Variants in CELSR1 observed in about 807,000 individuals in gnomAD.
The protein encoded by CELSR1 is adhesion G protein-coupled receptor C1.
CELSR1 carries 110 observed loss-of-function variants against 249.1 expected under a neutral mutation model. The observed-to-expected ratio is 0.44, with a 90% CI of 0.38 to 0.52. The LOEUF is 0.52. CELSR1 is among the 20% of genes least tolerant of loss of function. The pLI, the probability that CELSR1 is intolerant of heterozygous loss-of-function variation, is 0.00. For synonymous variants in CELSR1, 2,113 were observed against 1,900.0 expected (o/e 1.11, Z -2.92); for missense variants, 4,109 against 4,296.4 (o/e 0.96, Z 1.22).
chr22:46,443,047 G>A (rs8139122), intron 2 of CELSR1, among the ~76,000 whole-genome samples: 2,479 of 151,958 alleles, frequency 0.016, 62 homozygotes, highest in African/African-American at 0.056. Context: ...GCAGTGAGCC[G>A]AGATCGCACC....
At position 46,430,398 on chromosome 22, in the gene CELSR1, C is replaced by T. The variant is rs1047303535; in HGVS notation, c.4611+2995G>A. ...AGCTGGGCGGGGCAGGGGGGATGAC[C>T]GTCTGCATCAGCCAAGGCAGGCAGG... On this transcript the variant is annotated intron_variant, in intron 5 of 34. Transcript: ENST00000674500. This position sits in a 1 kb window ranked among gnomAD's most constrained non-coding sequence, Gnocchi z 4.6. 1.3e-5 allele frequency among the ~76,000 whole-genome samples: 2 copies of T among 152,086 alleles called. No individual in the cohort carries two copies. Among genetic ancestry groups the T allele is most frequent in the African/African-American group, 4.8e-5 (2 of 41,412 alleles).
chr22:46,493,778 C>T (rs907074754), intron 1 of CELSR1, among the ~76,000 whole-genome samples: 1 of 152,146 alleles, frequency 6.6e-6, no homozygotes, highest in Non-Finnish European at 1.5e-5. Context: ...CAAGCTTTCT[C>T]TTGCCTGCCA....
chr22:46,501,404 C>T (rs2080465440), intron 1 of CELSR1, among the ~76,000 whole-genome samples: 3 of 152,070 alleles, frequency 2.0e-5, no homozygotes, highest in South Asian at 4.1e-4. Flanking sequence ...CGAGGTTTCA[C>T]CATGTTGGCC....
intron 1 of CELSR1, among the ~76,000 whole-genome samples, chr22:46,499,043 G>T (rs1039831403): frequency 2.6e-5 from 4 of 152,034 alleles, no homozygotes; most frequent in African/African-American, 9.7e-5. Context: ...AGCCAGGCAT[G>T]GTGGCTCACG....
chr22:46,372,688 C>A (rs938514384), intron 25 of CELSR1, among the ~76,000 whole-genome samples, 195 bp downstream of exon 25: 7 of 152,168 alleles, frequency 4.6e-5, no homozygotes, highest in African/African-American at 1.7e-4. Context: ...TCACACCTCA[C>A]AGAAGACGTC....
At chr22:46,364,423 C>A in intron 33 of CELSR1, 89 bp downstream of exon 33, 1 of 1,504,404 alleles carries the variant, frequency 6.6e-7, no homozygotes, top group South Asian at 1.3e-5. Context: ...CTTGCCCCAC[C>A]AGCCCCAGCC....
At chr22:46,405,110 CCA>C (rs1206577826) in intron 9 of CELSR1, among the ~76,000 whole-genome samples, 1 of 150,302 alleles carries the variant, frequency 6.7e-6, no homozygotes, top group Non-Finnish European at 1.5e-5. Context: ...CAGGCGTGAG[CCA>C]CTGCACCCAG....
Position 46,429,577 on chromosome 22 carries a change from C to T in CELSR1, c.4611+3816G>A, listed in dbSNP as rs182268059. ...CTGAAGGTGAATTAGACCAATAAAC[C>T]TTCTCGTCTAAAATGTCATCAGGCA... On this transcript the variant is annotated intron_variant, in intron 5 of 34. Transcript: ENST00000674500. This position sits in a 1 kb window ranked among gnomAD's most constrained non-coding sequence, Gnocchi z 4.1. Among the ~76,000 whole-genome samples the T allele has an allele frequency of 1.8e-3, 269 of 152,332 alleles. 3 individuals carry two copies. In the South Asian group the frequency reaches 0.027, roughly 15 times the overall value.
Position 46,500,642 on chromosome 22 carries a change from C to G in CELSR1, c.3544+32985G>C, listed in dbSNP as rs746116542. 5.9e-5 allele frequency among the ~76,000 whole-genome samples: 9 copies of G among 152,192 alleles called. No individual in the cohort carries two copies. Among genetic ancestry groups the G allele is most frequent in the Non-Finnish European group, 1.3e-4 (9 of 68,018 alleles). On this transcript the variant is annotated intron_variant, in intron 1 of 34. Coordinates refer to ENST00000674500, the MANE Select transcript of CELSR1 (RefSeq NM_001378328.1). The surrounding 1 kb of genome is among the most constrained non-coding windows in gnomAD (Gnocchi z 4.9). ...GTTTTTTGATCTCTGGGGGAGTTTACAACAATGACTCTGCAGGCCTTTTGT... is the reference window on the plus strand; with the variant it reads ...GTTTTTTGATCTCTGGGGGAGTTTAGAACAATGACTCTGCAGGCCTTTTGT...
intron 4 of CELSR1, among the ~76,000 whole-genome samples, chr22:46,435,180 G>C (rs931729647): frequency 2.7e-5 from 4 of 149,308 alleles, no homozygotes; most frequent in African/African-American, 9.9e-5. Context: ...TTGAACTTCT[G>C]AGCTCAAGCA....
At chr22:46,388,262 T>G (rs1304126431) in intron 18 of CELSR1, among the ~76,000 whole-genome samples, 1 of 151,722 alleles carries the variant, frequency 6.6e-6, no homozygotes, top group Non-Finnish European at 1.5e-5. Context: ...GGCAGGAGAA[T>G]TGCTTGAACC....
chr22:46,414,523 C>A (rs1020483329), intron 5 of CELSR1, among the ~76,000 whole-genome samples: 17 of 151,980 alleles, frequency 1.1e-4, no homozygotes, highest in Admixed American at 5.2e-4. Flanking sequence ...GTGGGTTTAA[C>A]GCGCAGGCTA....
intron 14 of CELSR1, among the ~76,000 whole-genome samples, chr22:46,392,559 GTTTT>G (rs375433380): frequency 1.3e-5 from 2 of 149,416 alleles, no homozygotes; most frequent in Non-Finnish European, 1.5e-5. Context: ...GTATAACTTT[GTTTT>G]TTTATTTTTT....
At position 46,401,718 on chromosome 22, in the gene CELSR1, T is replaced by C. The variant is rs1218034485; in HGVS notation, c.5227-1816A>G. Reference sequence around the variant, plus strand: ...TTCATGGACTGCCAAGGGTTGTTCCTTGGCTTCTGGTTGGAACCCTGAGGG... The same window carrying C: ...TTCATGGACTGCCAAGGGTTGTTCCCTGGCTTCTGGTTGGAACCCTGAGGG... On this transcript the variant is annotated intron_variant, in intron 9 of 34. Transcript: ENST00000674500. The surrounding 1 kb of genome is among the most constrained non-coding windows in gnomAD (Gnocchi z 4.7). Among the ~76,000 whole-genome samples the C allele has an allele frequency of 6.6e-6, 1 of 152,226 alleles. No homozygotes were observed. The highest frequency in any genetic ancestry group is 1.5e-5 in the Non-Finnish European group (1 of 68,048).
rs1296010115 is a variant in CELSR1 at position 46,433,008 on chromosome 22, A to T, written c.4611+385T>A. Among the ~76,000 whole-genome samples the T allele has an allele frequency of 6.6e-6, 1 of 152,128 alleles. No homozygotes were observed. Among genetic ancestry groups the T allele is most frequent in the African/African-American group, 2.4e-5 (1 of 41,424 alleles). On this transcript the variant is annotated intron_variant, in intron 5 of 34. Coordinates refer to ENST00000674500, the MANE Select transcript of CELSR1 (RefSeq NM_001378328.1). This position sits in a 1 kb window ranked among gnomAD's most constrained non-coding sequence, Gnocchi z 5.7. Reference sequence around the variant, plus strand: ...AGAGCACAAATGTCTCAAGACAGAAAATCTACCAGGGCACCTTTTTTCCTT... The same window carrying T: ...AGAGCACAAATGTCTCAAGACAGAATATCTACCAGGGCACCTTTTTTCCTT...
rs1219185962 is a variant in CELSR1, at chr22:46,518,507, C to T, written c.3544+15120G>A. ...TCTGATTTAACACGAAGAAACCAGTCACACACACAAACATGAAGGCAGGCG... is the reference window on the plus strand; with the variant it reads ...TCTGATTTAACACGAAGAAACCAGTTACACACACAAACATGAAGGCAGGCG... On this transcript the variant is annotated intron_variant, in intron 1 of 34. Transcript: ENST00000674500. This position sits in a 1 kb window ranked among gnomAD's most constrained non-coding sequence, Gnocchi z 5.2. Among the ~76,000 whole-genome samples the T allele has an allele frequency of 1.3e-5, 2 of 152,236 alleles. No homozygotes were observed. The highest frequency in any genetic ancestry group is 3.9e-4 in the East Asian group (2 of 5,194).
intron 5 of CELSR1, among the ~76,000 whole-genome samples, chr22:46,422,993 C>G (rs1246780982): frequency 6.6e-6 from 1 of 152,228 alleles, no homozygotes; most frequent in East Asian, 1.9e-4. Flanking sequence ...CACCTCCTGG[C>G]TCTTGCCACC....
At position 46,520,250 on chromosome 22, in the gene CELSR1, T is replaced by G. The variant is rs5768877; in HGVS notation, c.3544+13377A>C. Among the ~76,000 whole-genome samples, 1,406 of 151,948 alleles carry G rather than the reference T, an allele frequency of 9.3e-3. 17 individuals are homozygous for G. Among genetic ancestry groups the G allele is most frequent in the African/African-American group, 0.033 (1,353 of 41,386 alleles). ...CACAGAAGGAAGAAGAGCCCCGAGCTCAGAAGGAGGCCCTGGATGGCCTCG... is the reference window on the plus strand; with the variant it reads ...CACAGAAGGAAGAAGAGCCCCGAGCGCAGAAGGAGGCCCTGGATGGCCTCG... On this transcript the variant is annotated intron_variant, in intron 1 of 34. Coordinates refer to ENST00000674500, the MANE Select transcript of CELSR1 (RefSeq NM_001378328.1).
chr22:46,498,286 T>TGTC (rs1569203484), intron 1 of CELSR1, among the ~76,000 whole-genome samples: 4 of 37,668 alleles, frequency 1.1e-4, no homozygotes, highest in Non-Finnish European at 2.0e-4. Flanking sequence ...AGCGAAACTC[T>TGTC]GTCTCAAAAA....
Sources: gnomAD v4.1 joint callset for allele counts (sites outside exome capture counted in the v4.1 genomes callset) on GRCh38, gnomAD v4.1.1 for gene constraint, Gnocchi (gnomAD v3.1) non-coding constraint, MANE v1.5 for transcripts, NCBI Gene and HGNC (gene_info 2026-07-23, HGNC 2026-07-21) for gene names.